Variants in KCNU1 observed in about 807,000 individuals in gnomAD.
KCNU1 encodes the protein potassium channel subfamily U member 1.
KCNU1 carries 93 observed loss-of-function variants against 126.8 expected under a neutral mutation model. The ratio of observed to expected loss-of-function variants is 0.73; its 90% CI spans 0.62 to 0.87. The LOEUF is 0.87. Ranked by LOEUF, KCNU1 falls within the 40% of genes least tolerant of loss-of-function variation. The pLI is 0.00. For missense variants in KCNU1, 1,330 were observed against 1,367.1 expected, an observed-to-expected ratio of 0.97 and a Z score of 0.43; for synonymous variants, 523 against 494.2, an observed-to-expected ratio of 1.06 and a Z score of -0.77.
intron 18 of KCNU1, among the ~76,000 whole-genome samples, chr8:36,854,016 C>G (rs1182664364): frequency 6.6e-6 from 1 of 152,040 alleles, no homozygotes; most frequent in East Asian, 1.9e-4. Flanking sequence ...GCAGTTGTTT[C>G]TCATTCAGCG....
chr8:36,857,065 C>A (rs1441113077), intron 18 of KCNU1, among the ~76,000 whole-genome samples: 1 of 152,320 alleles, frequency 6.6e-6, no homozygotes, highest in South Asian at 2.1e-4. Context: ...TGCTCCCGAG[C>A]TTGCAGGATG....
chr8:36,866,531 G>A (rs897046870), intron 19 of KCNU1, among the ~76,000 whole-genome samples: 16 of 152,082 alleles, frequency 1.1e-4, no homozygotes, highest in Non-Finnish European at 1.9e-4. Context: ...AAAGGTCTTG[G>A]GGCATTTCAG....
Position 36,784,596 on chromosome 8 carries a change from A to T in KCNU1, c.186A>T (p.Gly62=). The T allele has an allele frequency of 6.2e-7, 1 of 1,611,290 alleles. No homozygotes were observed. Among genetic ancestry groups the T allele is most frequent in the Non-Finnish European group, 8.5e-7 (1 of 1,178,220 alleles). ...AATGGCAAATCATCAAGGGAACAGG[A>T]ATTATCTTGGTCAGTTTCCTTGTTA... ...VKKWQIIKGT[G]IILELFTSGT... Residue 62 remains glycine, a synonymous_variant, in exon 1 of 27, where the codon GGA becomes GGT. Coordinates refer to ENST00000399881, the MANE Select transcript of KCNU1 (RefSeq NM_001031836.3).
intron 18 of KCNU1, among the ~76,000 whole-genome samples, chr8:36,852,707 A>C (rs551321812): frequency 5.1e-4 from 78 of 152,238 alleles, no homozygotes; most frequent in Non-Finnish European, 1.0e-3. Context: ...TTATGTGTAC[A>C]TATGATATGC....
At chr8:36,798,552 T>C (rs1803189505) in intron 2 of KCNU1, among the ~76,000 whole-genome samples, 1 of 152,194 alleles carries the variant, frequency 6.6e-6, no homozygotes, top group Non-Finnish European at 1.5e-5. Context: ...AAGATCTGAA[T>C]AGGAGACATT....
intron 8 of KCNU1, 127 bp downstream of exon 8, chr8:36,814,504 C>A (rs1803839289): frequency 1.2e-5 from 8 of 672,904 alleles, no homozygotes; most frequent in Non-Finnish European, 2.0e-5. Context: ...ATGTCAAGGG[C>A]AAATGAAAAC....
At chr8:36,842,180 A>ATC (rs1334729382) in intron 16 of KCNU1, among the ~76,000 whole-genome samples, 1 of 152,210 alleles carries the variant, frequency 6.6e-6, no homozygotes, top group African/African-American at 2.4e-5. Context: ...GAGTTAAAGA[A>ATC]TCTCTCACAC....
At chr8:36,806,854 A>G (rs1803520678) in intron 5 of KCNU1, among the ~76,000 whole-genome samples, 1 of 152,196 alleles carries the variant, frequency 6.6e-6, no homozygotes. Flanking sequence ...ATTTTATTGT[A>G]TGATTTATTA....
intron 19 of KCNU1, among the ~76,000 whole-genome samples, chr8:36,875,857 C>T (rs940695947): frequency 2.6e-5 from 4 of 152,036 alleles, no homozygotes; most frequent in Non-Finnish European, 4.4e-5. Flanking sequence ...TATCCAGAGA[C>T]CTTCTTTCTA....
chr8:36,882,974 ATC>A (rs929431513), intron 19 of KCNU1, among the ~76,000 whole-genome samples: 52 of 151,898 alleles, frequency 3.4e-4, no homozygotes, highest in African/African-American at 1.2e-3. Context: ...TTTTCTATCC[ATC>A]TCTTTTTTGC....
intron 2 of KCNU1, among the ~76,000 whole-genome samples, chr8:36,787,808 A>G (rs547732549): frequency 6.8e-6 from 1 of 147,612 alleles, no homozygotes; most frequent in South Asian, 2.1e-4. Flanking sequence ...AATTATAGTT[A>G]ATTACTAATT....
intron 19 of KCNU1, among the ~76,000 whole-genome samples, chr8:36,904,311 A>T (rs1807537090): frequency 6.6e-6 from 1 of 152,000 alleles, no homozygotes; most frequent in Non-Finnish European, 1.5e-5. Context: ...GCTAGAAGAG[A>T]CCCTGAGAAC....
chr8:36,810,894 T>C (rs1467764409), intron 7 of KCNU1, among the ~76,000 whole-genome samples: 2 of 152,172 alleles, frequency 1.3e-5, no homozygotes, highest in Non-Finnish European at 2.9e-5. Flanking sequence ...AATAAGATTT[T>C]AGAAAAACTG....
At chr8:36,890,154 A>C (rs1806900774) in intron 19 of KCNU1, among the ~76,000 whole-genome samples, 1 of 152,106 alleles carries the variant, frequency 6.6e-6, no homozygotes, top group Non-Finnish European at 1.5e-5. Flanking sequence ...GAAATGTCAA[A>C]AGATGGTAAG....
At chr8:36,865,220 C>T (rs566463267) in intron 19 of KCNU1, among the ~76,000 whole-genome samples, 5 of 152,084 alleles carry the variant, frequency 3.3e-5, no homozygotes, top group East Asian at 3.9e-4. Flanking sequence ...ATATTTTGTA[C>T]GTTTTTAATA....
intron 2 of KCNU1, among the ~76,000 whole-genome samples, chr8:36,797,595 T>C (rs1803147279): frequency 6.6e-6 from 1 of 152,140 alleles, no homozygotes. Flanking sequence ...TGTACCAGTT[T>C]TTCTTACATA....
intron 10 of KCNU1, among the ~76,000 whole-genome samples, chr8:36,827,706 C>T (rs555262720): frequency 1.3e-5 from 2 of 152,270 alleles, no homozygotes; most frequent in African/African-American, 4.8e-5. Context: ...AAACAGAGCT[C>T]TCACTTTTCC....
intron 2 of KCNU1, among the ~76,000 whole-genome samples, chr8:36,803,411 A>AC (rs771701972): frequency 6.6e-6 from 1 of 151,680 alleles, no homozygotes; most frequent in Non-Finnish European, 1.5e-5. Flanking sequence ...TTATCCAAAC[A>AC]CCCCCAGGGC....
chr8:36,858,444 A>T (rs970336997), intron 18 of KCNU1, among the ~76,000 whole-genome samples: 1 of 152,172 alleles, frequency 6.6e-6, no homozygotes, highest in Non-Finnish European at 1.5e-5. Flanking sequence ...AAGGGCCCAT[A>T]TAAAAGAACA....
Sources: allele counts gnomAD v4.1 joint callset (sites outside exome capture counted in the v4.1 genomes callset), GRCh38; gene constraint gnomAD v4.1.1; transcripts MANE v1.5; gene names NCBI Gene and HGNC (gene_info 2026-07-23, HGNC 2026-07-21).